AMN1: variants seen among roughly 807,000 people sequenced by gnomAD.
AMN1 encodes the protein protein AMN1 homolog.
Under a neutral mutation model 33.0 loss-of-function variants are expected in AMN1, and 20 were observed. The ratio of observed to expected loss-of-function variants is 0.61; its 90% CI spans 0.43 to 0.88. The LOEUF (loss-of-function observed/expected upper bound fraction) is 0.88. Ranked by LOEUF, AMN1 falls within the 40% of genes least tolerant of loss-of-function variation. The probability of loss-of-function intolerance (pLI) is 0.00; values close to 1 mark genes in which losing one functional copy is unlikely to be tolerated. For synonymous variants in AMN1, 114 were observed against 111.9 expected (o/e 1.02, Z -0.12); for missense variants, 246 against 307.4 (o/e 0.80, Z 1.49).
In AMN1 at chr12:31,683,507, G is replaced by A. The variant is rs1938121864; in HGVS notation, c.703+5500C>T. The stretch of plus-strand genomic sequence containing the variant: ...GAATTGTAGCTCCCACAATTCCCAT[G>A]TGTCGTGAGAGGGACCCGGTGGGAG... On this transcript the variant is annotated intron_variant, in intron 6 of 6. Coordinates refer to ENST00000281471, the MANE Select transcript of AMN1 (RefSeq NM_001113402.2). This position sits in a 1 kb window ranked among gnomAD's most constrained non-coding sequence, Gnocchi z 4.1. Among the ~76,000 whole-genome samples, 1 of 152,198 alleles carries A rather than the reference G, an allele frequency of 6.6e-6. No homozygotes were observed. Among genetic ancestry groups the A allele is most frequent in the African/African-American group, 2.4e-5 (1 of 41,446 alleles).
At chr12:31,695,500 T>TTTTTC (rs1204082516) in intron 5 of AMN1, among the ~76,000 whole-genome samples, 8 of 151,122 alleles carry the variant, frequency 5.3e-5, no homozygotes, top group Non-Finnish European at 3.0e-5. Flanking sequence ...TTTTTTTTTT[T>TTTTTC]TGAGATGGAG....
At chr12:31,672,468 T>C (rs1280722134) in intron 6 of AMN1, 91 bp from the exon 7 acceptor site, 13 of 903,474 alleles carry the variant, frequency 1.4e-5, no homozygotes, top group African/African-American at 3.3e-5. Flanking sequence ...TTAATTATTA[T>C]ACAGTTATTT....
intron 1 of AMN1, among the ~76,000 whole-genome samples, chr12:31,711,534 C>T (rs575395302): frequency 3.6e-4 from 55 of 152,260 alleles, no homozygotes; most frequent in African/African-American, 1.3e-3. Flanking sequence ...TCTGGATATG[C>T]TTTTCCATAA....
intron 1 of AMN1, among the ~76,000 whole-genome samples, chr12:31,726,015 TTTCA>T (rs947577941): frequency 6.6e-6 from 1 of 152,048 alleles, no homozygotes; most frequent in Non-Finnish European, 1.5e-5. Context: ...TTGATCTTTC[TTTCA>T]GATTCAAAAT....
chr12:31,674,054 T>G (rs1226940395), intron 6 of AMN1, among the ~76,000 whole-genome samples: 2 of 152,048 alleles, frequency 1.3e-5, no homozygotes, highest in African/African-American at 4.8e-5. Context: ...ATCTACTTCC[T>G]TTACTTTTCT....
chr12:31,698,049 G>T, intron 3 of AMN1, 92 bp from the exon 4 acceptor site: 1 of 1,233,402 alleles, frequency 8.1e-7, no homozygotes, highest in Non-Finnish European at 1.2e-6. Flanking sequence ...GCAATCACCA[G>T]TTCAGTGTTA....
At chr12:31,728,938 G>T in intron 1 of AMN1, 33 bp downstream of exon 1, 1 of 1,539,066 alleles carries the variant, frequency 6.5e-7, no homozygotes, top group Non-Finnish European at 8.8e-7. Flanking sequence ...GTGCTGGGGC[G>T]GCGCGAAGGG....
At chr12:31,678,675 G>A (rs1460694096) in intron 6 of AMN1, among the ~76,000 whole-genome samples, 2 of 152,112 alleles carry the variant, frequency 1.3e-5, no homozygotes, top group African/African-American at 2.4e-5. Flanking sequence ...GATTACAGGC[G>A]TGAGCCACCA....
At position 31,683,509 on chromosome 12, in the gene AMN1, G is replaced by A. The variant is rs1330321957; in HGVS notation, c.703+5498C>T. Among the ~76,000 whole-genome samples the A allele has an allele frequency of 6.6e-6, 1 of 152,208 alleles. No homozygotes were observed. Among genetic ancestry groups the A allele is most frequent in the Non-Finnish European group, 1.5e-5 (1 of 68,026 alleles). On this transcript the variant is annotated intron_variant, in intron 6 of 6. Transcript: ENST00000281471. The surrounding 1 kb of genome is among the most constrained non-coding windows in gnomAD (Gnocchi z 4.1). ...ATTGTAGCTCCCACAATTCCCATGT[G>A]TCGTGAGAGGGACCCGGTGGGAGGT...
chr12:31,700,451 C>A (rs943460826), intron 3 of AMN1, among the ~76,000 whole-genome samples: 4 of 152,086 alleles, frequency 2.6e-5, no homozygotes, highest in Non-Finnish European at 4.4e-5. Flanking sequence ...GATTCACTAA[C>A]TCATGTAATA....
At chr12:31,720,144 G>A (rs1391288526) in intron 1 of AMN1, among the ~76,000 whole-genome samples, 1 of 152,150 alleles carries the variant, frequency 6.6e-6, no homozygotes, top group South Asian at 2.1e-4. Flanking sequence ...TTTACAGTGT[G>A]CACTTCAGTG....
chr12:31,688,387 A>G (rs2139671494), intron 6 of AMN1, among the ~76,000 whole-genome samples: 1 of 152,282 alleles, frequency 6.6e-6, no homozygotes, highest in East Asian at 1.9e-4. Context: ...GAACACAACT[A>G]CTGCTGCCAT....
chr12:31,691,225 TAAAG>T (rs1486230665), intron 5 of AMN1, among the ~76,000 whole-genome samples: 1 of 151,184 alleles, frequency 6.6e-6, no homozygotes, highest in East Asian at 1.9e-4. Flanking sequence ...GGAAGTAAAA[TAAAG>T]AAATAAAAAC....
chr12:31,704,782 A>G (rs1939153350), intron 2 of AMN1, among the ~76,000 whole-genome samples: 1 of 152,144 alleles, frequency 6.6e-6, no homozygotes, highest in South Asian at 2.1e-4. Context: ...TTGTTTTTCT[A>G]TCTCATTCAC....
At chr12:31,675,887 AAAG>A (rs1937673936) in intron 6 of AMN1, among the ~76,000 whole-genome samples, 1 of 151,874 alleles carries the variant, frequency 6.6e-6, no homozygotes, top group Non-Finnish European at 1.5e-5. Context: ...TAGGCAAGAA[AAAG>A]AAAAGGCATT....
At chr12:31,712,409 G>T (rs185211335) in intron 1 of AMN1, among the ~76,000 whole-genome samples, 6 of 151,220 alleles carry the variant, frequency 4.0e-5, no homozygotes, top group Admixed American at 6.6e-5. Context: ...CACCACGCCC[G>T]GCTAATTTTT....
chr12:31,705,128 T>A (rs1939169939), intron 2 of AMN1, among the ~76,000 whole-genome samples: 1 of 152,052 alleles, frequency 6.6e-6, no homozygotes, highest in Non-Finnish European at 1.5e-5. Context: ...TAAAGATATA[T>A]CAGGTTAATG....
chr12:31,717,745 G>A (rs1361240490), intron 1 of AMN1, among the ~76,000 whole-genome samples: 2 of 151,728 alleles, frequency 1.3e-5, no homozygotes, highest in Admixed American at 1.3e-4. Flanking sequence ...AGATACATGT[G>A]CAGAACATTC....
intron 2 of AMN1, chr12:31,708,976 G>A (rs753754186): frequency 7.8e-5 from 32 of 409,608 alleles, no homozygotes; most frequent in Non-Finnish European, 1.4e-4. Context: ...TCCGGAGTTC[G>A]AGACCAGCCT....
Sources: gnomAD v4.1 joint callset for allele counts (sites outside exome capture counted in the v4.1 genomes callset) on GRCh38, gnomAD v4.1.1 for gene constraint, Gnocchi (gnomAD v3.1) non-coding constraint, MANE v1.5 for transcripts, NCBI Gene and HGNC (gene_info 2026-07-23, HGNC 2026-07-21) for gene names.